Variants in CACNA2D2 observed in about 807,000 individuals in gnomAD.
CACNA2D2 encodes the protein voltage-dependent calcium channel subunit alpha-2/delta-2.
CACNA2D2 carries 48 observed loss-of-function variants against 166.4 expected under a neutral mutation model. The ratio of observed to expected loss-of-function variants is 0.29; its 90% confidence interval spans 0.23 to 0.37. The LOEUF is 0.37. CACNA2D2 is among the 10% of genes least tolerant of loss of function. The pLI, the probability that CACNA2D2 is intolerant of heterozygous loss-of-function variation, is 1.00. For synonymous variants in CACNA2D2, 561 were observed against 573.7 expected (o/e 0.98, Z 0.32); for missense variants, 1,122 against 1,433.0 (o/e 0.78, Z 3.50).
intron 1 of CACNA2D2, among the ~76,000 whole-genome samples, chr3:50,483,280 A>G (rs986230743): frequency 6.6e-6 from 1 of 152,090 alleles, no homozygotes; most frequent in African/African-American, 2.4e-5. Context: ...GCACACAGGA[A>G]CCAAGGCAGC....
chr3:50,477,804 G>A (rs1697859775), intron 1 of CACNA2D2, among the ~76,000 whole-genome samples: 1 of 152,122 alleles, frequency 6.6e-6, no homozygotes, highest in Non-Finnish European at 1.5e-5. Flanking sequence ...GATTGCATCT[G>A]GTCCCAACTC....
chr3:50,365,707 C>T lies in CACNA2D2; in HGVS notation c.2916-19G>A. The T allele has an allele frequency of 1.9e-6, 3 of 1,594,358 alleles. No homozygotes were observed. Among genetic ancestry groups the T allele is most frequent in the Middle Eastern group, 1.7e-4 (1 of 6,030 alleles). ...CAGGGACCTGCAGCGCACGGGGAGC[C>T]GAGTGCAGGTGGTCAGCAGAGGACG... On this transcript the variant is annotated intron_variant, in intron 33 of 37. Coordinates refer to ENST00000424201, the MANE Select transcript of CACNA2D2 (RefSeq NM_006030.4). This position sits in a 1 kb window ranked among gnomAD's most constrained non-coding sequence, Gnocchi z 4.5.
In CACNA2D2 at chr3:50,476,182, C is replaced by G; in HGVS notation, c.224G>C (p.Arg75Pro). 2 of 1,594,664 alleles carry G rather than the reference C, an allele frequency of 1.3e-6. No individual in the cohort carries two copies. The highest frequency in any genetic ancestry group is 1.7e-6 in the Non-Finnish European group (2 of 1,171,494). ...PQQHTMQHWA[R>P]RLEQEVDGVM... is the part of the protein sequence containing the mutation. Reference sequence around the variant, plus strand: ...GCCGTCGACCTCCTGCTCCAGACGCCGGGCCCAGTGCTGCATCCTGTATGC... The same window carrying G: ...GCCGTCGACCTCCTGCTCCAGACGCGGGGCCCAGTGCTGCATCCTGTATGC... The change falls in exon 2 of 38, where the codon CGG becomes CCG. Residue 75 changes from arginine to proline, a missense_variant. Coordinates refer to ENST00000424201, the MANE Select transcript of CACNA2D2 (RefSeq NM_006030.4).
chr3:50,390,757 G>A (rs1705848243), intron 4 of CACNA2D2, among the ~76,000 whole-genome samples: 1 of 152,224 alleles, frequency 6.6e-6, no homozygotes, highest in African/African-American at 2.4e-5. Context: ...CTTAGCAGGA[G>A]CCAAGCCCAA....
At chr3:50,439,254 T>C (rs1304612283) in intron 2 of CACNA2D2, among the ~76,000 whole-genome samples, 1 of 152,088 alleles carries the variant, frequency 6.6e-6, no homozygotes, top group Non-Finnish European at 1.5e-5. Flanking sequence ...GGGAGGGCCA[T>C]GCTGGAGGGG....
intron 1 of CACNA2D2, among the ~76,000 whole-genome samples, chr3:50,481,121 C>G (rs928158984): frequency 6.6e-6 from 1 of 151,822 alleles, no homozygotes; most frequent in South Asian, 2.1e-4. Context: ...TTAAACAAAT[C>G]AAAAAACCAG....
intron 3 of CACNA2D2, among the ~76,000 whole-genome samples, chr3:50,397,917 C>T (rs1706240083): frequency 6.6e-6 from 1 of 152,180 alleles, no homozygotes; most frequent in African/African-American, 2.4e-5. Context: ...GGCTGAGCAC[C>T]CAGACCTTGG....
chr3:50,502,414 C>G lies in CACNA2D2; in HGVS notation c.206+804G>C, dbSNP rs1699011686. 2.0e-5 allele frequency among the ~76,000 whole-genome samples: 3 copies of G among 152,252 alleles called. No homozygotes were observed. In the South Asian group the frequency reaches 6.2e-4, roughly 31 times the overall value. ...CATCCACTCCCAGCCCCAGACACAT[C>G]TGGCTAAGCTCACCCGTAGGAGGCA... is the stretch of plus-strand genomic sequence containing the variant. On this transcript the variant is annotated intron_variant, in intron 1 of 37. Coordinates refer to ENST00000424201, the MANE Select transcript of CACNA2D2 (RefSeq NM_006030.4).
chr3:50,420,427 T>TA (rs775977191), intron 3 of CACNA2D2, among the ~76,000 whole-genome samples: 2 of 152,172 alleles, frequency 1.3e-5, no homozygotes, highest in Non-Finnish European at 2.9e-5. Flanking sequence ...TAGCACCAAA[T>TA]ACTGACTTGA....
At chr3:50,483,379 C>T (rs563989326) in intron 1 of CACNA2D2, among the ~76,000 whole-genome samples, 47 of 152,330 alleles carry the variant, frequency 3.1e-4, no homozygotes, top group African/African-American at 9.9e-4. Flanking sequence ...CCATCTCTCT[C>T]GACCATGTGT....
chr3:50,462,935 A>T (rs1709659466), intron 2 of CACNA2D2, among the ~76,000 whole-genome samples: 1 of 152,070 alleles, frequency 6.6e-6, no homozygotes, highest in East Asian at 1.9e-4. Context: ...GGATAGAAGG[A>T]TAGAGAGAGA....
In CACNA2D2 at chr3:50,455,049, G is replaced by A. The variant is rs143731603; in HGVS notation, c.289-20620C>T. ...ACAGGTCACAAGCCTGCTGCTCACC[G>A]CCACTGCCAGTGAGGCTGATTCCAC... On this transcript the variant is annotated intron_variant, in intron 2 of 37. Coordinates refer to ENST00000424201, the MANE Select transcript of CACNA2D2 (RefSeq NM_006030.4). Among the ~76,000 whole-genome samples the A allele has an allele frequency of 5.5e-3, 834 of 152,286 alleles. 2 individuals are homozygous for A. The highest frequency in any genetic ancestry group is 0.01 in the Middle Eastern group (3 of 294).
intron 2 of CACNA2D2, among the ~76,000 whole-genome samples, chr3:50,461,876 C>T (rs1390497960): frequency 2.6e-5 from 4 of 152,108 alleles, no homozygotes; most frequent in Non-Finnish European, 4.4e-5. Context: ...GGACTCCAAC[C>T]CCAAGAGGGG....
chr3:50,442,500 C>T (rs1222580189), intron 2 of CACNA2D2, among the ~76,000 whole-genome samples: 1 of 152,178 alleles, frequency 6.6e-6, no homozygotes, highest in African/African-American at 2.4e-5. Context: ...TGGTGCAATA[C>T]CACGGAGACA....
intron 3 of CACNA2D2, among the ~76,000 whole-genome samples, chr3:50,399,041 C>A (rs1706302522): frequency 6.6e-6 from 1 of 152,184 alleles, no homozygotes; most frequent in Non-Finnish European, 1.5e-5. Context: ...GGATGGGCAC[C>A]CCTCAGAGGC....
At chr3:50,397,084 C>G (rs542051415) in intron 3 of CACNA2D2, among the ~76,000 whole-genome samples, 1 of 152,298 alleles carries the variant, frequency 6.6e-6, no homozygotes, top group East Asian at 1.9e-4. Context: ...ATGGGGGCTA[C>G]AGGCCCCTCT....
intron 1 of CACNA2D2, among the ~76,000 whole-genome samples, chr3:50,483,613 G>T (rs1405837617): frequency 6.6e-6 from 1 of 152,186 alleles, no homozygotes; most frequent in Non-Finnish European, 1.5e-5. Flanking sequence ...TGCTGGGTTG[G>T]GGGGAGTGGA....
At position 50,363,306 on chromosome 3, in the gene CACNA2D2, G is replaced by A. The variant is rs752295896; in HGVS notation, c.*1360C>T. 2.6e-4 allele frequency: 103 copies of A among 398,542 alleles called. No homozygotes were observed. Among genetic ancestry groups the A allele is most frequent in the Non-Finnish European group, 4.1e-4 (92 of 226,056 alleles). The allele number at this position is 398,542 out of a possible 1,614,324, so 24.7% of individuals were successfully genotyped here. ...GACAAGCAACATGACATTAATTAAC[G>A]AAGCCATTAATTAATGCATCACCCT... On this transcript the variant is annotated 3_prime_UTR_variant, in exon 38 of 38. Transcript: ENST00000424201.
chr3:50,492,185 G>A (rs6809261), intron 1 of CACNA2D2, among the ~76,000 whole-genome samples: 2,494 of 152,368 alleles, frequency 0.016, 85 homozygotes, highest in African/African-American at 0.056. Flanking sequence ...ATGTCTATGC[G>A]TTACGTCCGT....
Sources: allele counts gnomAD v4.1 joint callset (sites outside exome capture counted in the v4.1 genomes callset), GRCh38; gene constraint gnomAD v4.1.1; non-coding constraint Gnocchi (gnomAD v3.1); transcripts MANE v1.5; gene names NCBI Gene and HGNC (gene_info 2026-07-23, HGNC 2026-07-21).